Variants in RILPL1 observed in about 807,000 individuals in gnomAD.
RILPL1 encodes the protein Rab interacting lysosomal protein like 1, also known as RILP-like protein 1.
Under a neutral mutation model 50.3 loss-of-function variants are expected in RILPL1, and 33 were observed. That is an observed-to-expected ratio of 0.66 (90% CI 0.50 to 0.88). The LOEUF (loss-of-function observed/expected upper bound fraction) is 0.88. Ranked by LOEUF, RILPL1 falls within the 40% of genes least tolerant of loss-of-function variation. The pLI is 0.00. For missense variants in RILPL1, 418 were observed against 542.5 expected (o/e 0.77, Z 2.28); for synonymous variants, 205 against 228.6 (o/e 0.90, Z 0.93).
intron 4 of RILPL1, among the ~76,000 whole-genome samples, chr12:123,490,889 T>A (rs1236533275): frequency 6.6e-6 from 1 of 151,966 alleles, no homozygotes; most frequent in Non-Finnish European, 1.5e-5. Context: ...TAGCTGGGAG[T>A]ACAGGCATGC....
At position 123,491,590 on chromosome 12, in the gene RILPL1, G is replaced by A. The variant is rs1882690057; in HGVS notation, c.802-5785C>T. On this transcript the variant is annotated intron_variant, in intron 4 of 6. Coordinates refer to ENST00000376874, the MANE Select transcript of RILPL1 (RefSeq NM_178314.5). The surrounding 1 kb of genome is among the most constrained non-coding windows in gnomAD (Gnocchi z 4.0). ...AACGACTGTGCTCTGGTCACACTTG[G>A]CACCACCAGGCCTAGCATAAATTCA... Among the ~76,000 whole-genome samples, 1 of 152,164 alleles carries A rather than the reference G, an allele frequency of 6.6e-6. No individual in the cohort carries two copies. The highest frequency in any genetic ancestry group is 1.5e-5 in the Non-Finnish European group (1 of 68,038).
At chr12:123,510,619 GTA>G (rs1190140775) in intron 2 of RILPL1, among the ~76,000 whole-genome samples, 3 of 94,624 alleles carry the variant, frequency 3.2e-5, no homozygotes, top group Admixed American at 9.6e-5. Flanking sequence ...TGTGTGTGTG[GTA>G]TATGTGTGTG....
rs185225382 is a variant in RILPL1, at chr12:123,485,425, A to C, written c.974+208T>G. Among the ~76,000 whole-genome samples, 1 of 152,324 alleles carries C rather than the reference A, an allele frequency of 6.6e-6. No homozygotes were observed. The highest frequency in any genetic ancestry group is 6.5e-5 in the Admixed American group (1 of 15,300). Reference sequence around the variant, plus strand: ...CGGCCTCCCAAAATACTGGAATTAAAGGTGTGAGCTCTGGTGCCCGGCCTG... The same window carrying C: ...CGGCCTCCCAAAATACTGGAATTAACGGTGTGAGCTCTGGTGCCCGGCCTG... On this transcript the variant is annotated intron_variant, in intron 5 of 6. Coordinates refer to ENST00000376874, the MANE Select transcript of RILPL1 (RefSeq NM_178314.5). The surrounding 1 kb of genome is among the most constrained non-coding windows in gnomAD (Gnocchi z 4.0).
intron 1 of RILPL1, among the ~76,000 whole-genome samples, chr12:123,526,080 C>T (rs1313203454): frequency 1.3e-5 from 2 of 152,148 alleles, no homozygotes; most frequent in East Asian, 1.9e-4. Flanking sequence ...CCAAGGCAGG[C>T]GGATCACTTG....
intron 2 of RILPL1, among the ~76,000 whole-genome samples, chr12:123,516,033 C>CAAAAAAAAAAAAAAAAAAAA (rs749657516): frequency 3.9e-4 from 14 of 36,192 alleles, no homozygotes; most frequent in Non-Finnish European, 4.8e-4. Context: ...GACTCTGTCT[C>CAAAAAAAAAAAAAAAAAAAA]AAAAAAAAAA....
intron 2 of RILPL1, among the ~76,000 whole-genome samples, chr12:123,510,585 C>G (rs1884043331): frequency 2.1e-5 from 2 of 94,168 alleles, no homozygotes; most frequent in South Asian, 7.6e-4. Flanking sequence ...TGTGTGAGGT[C>G]TGTGTGTGTG....
At chr12:123,501,342 G>A (rs933248942) in intron 2 of RILPL1, among the ~76,000 whole-genome samples, 1 of 151,838 alleles carries the variant, frequency 6.6e-6, no homozygotes, top group Non-Finnish European at 1.5e-5. Context: ...CTACTTAGGA[G>A]GCTGACGAGG....
At chr12:123,532,708 G>GGC (rs72498677) in intron 1 of RILPL1, among the ~76,000 whole-genome samples, 10 of 134,328 alleles carry the variant, frequency 7.4e-5, no homozygotes, top group African/African-American at 3.0e-4. Context: ...GAGACTGGGG[G>GGC]GGGGGGGGAT....
Position 123,472,180 on chromosome 12 carries a change from C to A in RILPL1, c.*358G>T, listed in dbSNP as rs973138429. On this transcript the variant is annotated 3_prime_UTR_variant, in exon 7 of 7. Coordinates refer to ENST00000376874, the MANE Select transcript of RILPL1 (RefSeq NM_178314.5). ...AAACCTCTACACATAGCATTTTATA[C>A]AAAGCAAGTCAAACAGCAATGATAG... The A allele has an allele frequency of 8.3e-6, 2 of 241,292 alleles. No individual in the cohort carries two copies. Among genetic ancestry groups the A allele is most frequent in the Admixed American group, 9.8e-5 (2 of 20,312 alleles). The allele number at this position is 241,292 out of a possible 1,614,324, so 14.9% of individuals were successfully genotyped here. A position where few individuals can be genotyped will look rare whatever the true frequency, so the allele number is the denominator to read the frequency against.
rs752080706 is a variant in RILPL1 at position 123,489,939 on chromosome 12, T to C, written c.802-4134A>G. Among the ~76,000 whole-genome samples the C allele has an allele frequency of 3.7e-4, 56 of 152,218 alleles. No homozygotes were observed. The highest frequency in any genetic ancestry group is 6.5e-4 in the Non-Finnish European group (44 of 68,040). ...CTCTTTAAGATTAGGAGATTTCATA[T>C]TGAAGTTTGCATTTTGGGCTTCCTG... On this transcript the variant is annotated intron_variant, in intron 4 of 6. Transcript: ENST00000376874. The surrounding 1 kb of genome is among the most constrained non-coding windows in gnomAD (Gnocchi z 4.0).
At chr12:123,472,740 G>A (rs562709136) in intron 6 of RILPL1, 58 bp from the exon 7 acceptor site, 38 of 1,555,866 alleles carry the variant, frequency 2.4e-5, no homozygotes, top group Non-Finnish European at 2.9e-5. Context: ...TGCAAGTCAC[G>A]TTTTTTGCAA....
intron 2 of RILPL1, among the ~76,000 whole-genome samples, chr12:123,505,587 G>T (rs114220199): frequency 2.4e-4 from 37 of 152,202 alleles, no homozygotes; most frequent in African/African-American, 8.4e-4. Context: ...CCAAGTGCTA[G>T]GACTACAGGT....
intron 2 of RILPL1, among the ~76,000 whole-genome samples, chr12:123,521,674 T>TAA (rs1249733809): frequency 3.1e-4 from 8 of 26,150 alleles, no homozygotes; most frequent in Non-Finnish European, 5.0e-4. Flanking sequence ...TATATATAAA[T>TAA]ATATATATAT....
chr12:123,472,653 C>G lies in RILPL1; in HGVS notation c.1097G>C (p.Arg366Pro). 6.3e-7 allele frequency: 1 copy of G among 1,598,436 alleles called. No homozygotes were observed. Among genetic ancestry groups the G allele is most frequent in the Non-Finnish European group, 8.5e-7 (1 of 1,172,546 alleles). The change falls in exon 7 of 7, where the codon CGC (arginine) becomes CCC (proline). Residue 366 changes from arginine (R) to proline (P), a missense_variant. Physicochemically the swap from Arg to Pro is moderately radical, Grantham distance 103. Coordinates refer to ENST00000376874, the MANE Select transcript of RILPL1 (RefSeq NM_178314.5). ...LFSFFSRDKK[R>P]LANTQRNVHI... ...CACGTTTCTCTGTGTGTTGGCCAGG[C>G]GCTTCTTATCTCGGGAGAAGAAGCT...
chr12:123,482,426 A>G (rs11560820), intron 6 of RILPL1, among the ~76,000 whole-genome samples: 79,801 of 151,788 alleles, frequency 0.53, 23,345 homozygotes, highest in East Asian at 0.99. Flanking sequence ...TGTACTCTCT[A>G]GCAATATCCG....
chr12:123,484,271 C>T lies in RILPL1; in HGVS notation c.976G>A (p.Glu326Lys). Residue 326 changes from glutamate (E) to lysine (K), a missense_variant and splice_region_variant, in exon 6 of 7, where the codon GAA becomes AAA. By Grantham distance (56) the Glu-to-Lys change is moderately conservative. Coordinates refer to ENST00000376874, the MANE Select transcript of RILPL1 (RefSeq NM_178314.5). ...LQEELAYYKS[E>K]EMEEENRIPQ... Reference sequence around the variant, plus strand: ...ATTCGGTTTTCCTCTTCCATTTCTTCACTGGAAGGAGATGAGAGGCGTGAG... The same window carrying T: ...ATTCGGTTTTCCTCTTCCATTTCTTTACTGGAAGGAGATGAGAGGCGTGAG... 6.3e-7 allele frequency: 1 copy of T among 1,599,242 alleles called. No individual in the cohort carries two copies. Among genetic ancestry groups the T allele is most frequent in the South Asian group, 1.1e-5 (1 of 90,758 alleles).
At chr12:123,510,485 T>A (rs1257194387) in intron 2 of RILPL1, among the ~76,000 whole-genome samples, 1 of 127,382 alleles carries the variant, frequency 7.9e-6, no homozygotes, top group Non-Finnish European at 1.6e-5. Flanking sequence ...GGGGTATATG[T>A]GTGTGATGTG....
chr12:123,479,764 G>C (rs1593533684), intron 6 of RILPL1, among the ~76,000 whole-genome samples: 1 of 152,200 alleles, frequency 6.6e-6, no homozygotes, highest in East Asian at 1.9e-4. Context: ...GTCTTTCTCT[G>C]AGTCTGTCCC....
At chr12:123,482,509 A>C (rs1025468366) in intron 6 of RILPL1, among the ~76,000 whole-genome samples, 1 of 152,100 alleles carries the variant, frequency 6.6e-6, no homozygotes, top group Non-Finnish European at 1.5e-5. Flanking sequence ...TCCTGGCCTC[A>C]AGTGATCCTT....
Sources: allele counts gnomAD v4.1 joint callset (sites outside exome capture counted in the v4.1 genomes callset), GRCh38; gene constraint gnomAD v4.1.1; non-coding constraint Gnocchi (gnomAD v3.1); transcripts MANE v1.5; gene names NCBI Gene and HGNC (gene_info 2026-07-23, HGNC 2026-07-21).